The following DUX4 variants were observed in gnomAD, a reference collection of about 807,000 sequenced individuals.
The protein encoded by DUX4 is double homeobox 4.
chr4:190,181,337 C>A (rs1300272358), intron 1 of DUX4, among the ~76,000 whole-genome samples: 2 of 430 alleles, frequency 4.7e-3, no homozygotes, highest in Admixed American at 0.024. Context: ...TGGGTGATCT[C>A]TGCAAAGATA....
At chr4:190,177,869 AATGTCCCTGT>A (rs1579833437), downstream of DUX4, among the ~76,000 whole-genome samples, 31 of 142,928 alleles carry the variant, frequency 2.2e-4, no homozygotes, top group East Asian at 4.2e-4. Context: ...GATATGTCAC[AATGTCCCTGT>A]AGCCATATCC....
downstream of DUX4, among the ~76,000 whole-genome samples, chr4:190,179,702 G>T: frequency 6.6e-6 from 1 of 152,418 alleles, no homozygotes; most frequent in Admixed American, 6.5e-5. Flanking sequence ...TCAGTGCAGA[G>T]ATATGTCTCA....
chr4:190,181,071 A>C (rs1742543648), intron 1 of DUX4, among the ~76,000 whole-genome samples: 1 of 82,568 alleles, frequency 1.2e-5, no homozygotes, highest in Non-Finnish European at 2.5e-5. Flanking sequence ...ATCAGTGCAG[A>C]GATATGTGAC....
chr4:190,176,337 C>T (rs71271248), downstream of DUX4, among the ~76,000 whole-genome samples: 2 of 102,012 alleles, frequency 2.0e-5, no homozygotes, highest in African/African-American at 5.6e-5. Context: ...TGTTACATCA[C>T]CTGGGTGATC....
chr4:190,179,208 T>TGGTTGATCATTGCAGGGATAA (rs1742482106), downstream of DUX4, among the ~76,000 whole-genome samples: 1 of 150,688 alleles, frequency 6.6e-6, no homozygotes. Flanking sequence ...GTACATCACC[T>TGGTTGATCATTGCAGGGATAA]GGGTGATCAT....
In DUX4 at chr4:190,175,797, G is replaced by C. The variant is rs1742274658; in HGVS notation, c.*387G>C. ...TGGATTAGAGTTACATCTCCTGGAT[G>C]ATTAGTTCAGAGATATATTAAAATG... On this transcript the variant is annotated 3_prime_UTR_variant, in exon 2 of 2. Transcript: ENST00000565211. 2.0e-5 allele frequency: 3 copies of C among 152,096 alleles called. No homozygotes were observed. Among genetic ancestry groups the C allele is most frequent in the African/African-American group, 7.9e-5 (3 of 38,032 alleles). 9.4% of individuals were successfully genotyped at this position (152,096 alleles called of 1,614,324 possible).
chr4:190,181,243 C>CAATGCCACAAGTAGGTAGAGCCTAGAA (rs1742556543), intron 1 of DUX4, among the ~76,000 whole-genome samples: 3 of 16,052 alleles, frequency 1.9e-4, no homozygotes, highest in Admixed American at 6.5e-4. Context: ...AAATCCAAGA[C>CAATGCCACAAGTAGGTAGAGCCTAGAA]AAGAGTCTGT....
At chr4:190,181,727 T>C (rs1579838024) in intron 1 of DUX4, among the ~76,000 whole-genome samples, 1 of 140,576 alleles carries the variant, frequency 7.1e-6, no homozygotes, top group Admixed American at 7.3e-5. Flanking sequence ...ACACAAGAGT[T>C]ACATCACCTG....
Position 190,175,781 on chromosome 4 carries a change from G to T in DUX4, c.*371G>T. On this transcript the variant is annotated 3_prime_UTR_variant, in exon 2 of 2. Transcript: ENST00000565211. ...GCTGTCTAGGCAAACCTGGATTAGA[G>T]TTACATCTCCTGGATGATTAGTTCA... 1 of 153,492 alleles carries T rather than the reference G, an allele frequency of 6.5e-6. No homozygotes were observed. Among genetic ancestry groups the T allele is most frequent in the Non-Finnish European group, 1.3e-5 (1 of 79,216 alleles). 9.5% of individuals were successfully genotyped at this position (153,492 alleles called of 1,614,324 possible). A position where few individuals can be genotyped will look rare whatever the true frequency, so the allele number is the denominator to read the frequency against.
chr4:190,176,589 A>C (rs1290881858), downstream of DUX4, among the ~76,000 whole-genome samples: 1 of 88,948 alleles, frequency 1.1e-5, no homozygotes. Flanking sequence ...TGTAGGCAGA[A>C]CGTAGACAAG....
downstream of DUX4, among the ~76,000 whole-genome samples, chr4:190,179,767 A>G (rs1579835940): frequency 2.2e-5 from 3 of 134,534 alleles, no homozygotes; most frequent in African/African-American, 3.0e-5. Flanking sequence ...TTAACAGTGC[A>G]GAGATATGTC....
chr4:190,179,100 A>G (rs1742478148), downstream of DUX4, among the ~76,000 whole-genome samples: 2 of 20,608 alleles, frequency 9.7e-5, no homozygotes, highest in East Asian at 3.7e-3. Context: ...ATATGTCACA[A>G]TGCCACTGTA....
At chr4:190,179,160 ACAT>A (rs1579835153), downstream of DUX4, among the ~76,000 whole-genome samples, 1 of 152,088 alleles carries the variant, frequency 6.6e-6, no homozygotes, top group Non-Finnish European at 1.5e-5. Context: ...GTGCAGAGAT[ACAT>A]TGCAATGCCC....
At chr4:190,183,075 A>G (rs1344622847) in intron 1 of DUX4, among the ~76,000 whole-genome samples, 1,018 of 36,842 alleles carry the variant, frequency 0.028, 51 homozygotes, top group African/African-American at 0.048. Flanking sequence ...GTTTAGGGTT[A>G]GGGTTAGGGT....
chr4:190,179,544 A>C (rs1742502778), downstream of DUX4, among the ~76,000 whole-genome samples: 2 of 140,848 alleles, frequency 1.4e-5, no homozygotes, highest in Non-Finnish European at 3.2e-5. Context: ...CAAGAGTTAT[A>C]TCACCTGGGT....
downstream of DUX4, among the ~76,000 whole-genome samples, chr4:190,177,468 CTGT>C (rs1742369185): frequency 1.4e-5 from 2 of 140,054 alleles, no homozygotes; most frequent in Non-Finnish European, 1.6e-5. Flanking sequence ...ACAAAGCCCC[CTGT>C]AGACAAATCC....
intron 1 of DUX4, among the ~76,000 whole-genome samples, chr4:190,181,578 C>A (rs1579837795): frequency 2.6e-3 from 113 of 43,142 alleles, no homozygotes; most frequent in Non-Finnish European, 3.3e-3. Flanking sequence ...TAGGCAGAGC[C>A]TAGTCAAGCG....
At chr4:190,181,178 GA>G (rs1742550528) in intron 1 of DUX4, among the ~76,000 whole-genome samples, 1 of 101,774 alleles carries the variant, frequency 9.8e-6, no homozygotes, top group Admixed American at 1.2e-4. Context: ...GCTTAGACTA[GA>G]GTTACATCAC....
Position 190,175,763 on chromosome 4 carries a change from A to G in DUX4, c.*353A>G. 6.4e-6 allele frequency: 1 copy of G among 157,210 alleles called. No individual in the cohort carries two copies. The highest frequency in any genetic ancestry group is 2.3e-3 in the Middle Eastern group (1 of 444). The allele number at this position is 157,210 out of a possible 1,614,324, so 9.7% of individuals were successfully genotyped here. On this transcript the variant is annotated 3_prime_UTR_variant, in exon 2 of 2. Coordinates refer to ENST00000565211, the MANE Select transcript of DUX4 (RefSeq NM_001306068.3). Reference sequence around the variant, plus strand: ...CTCCCCCCACCTTCCGACGCTGTCTAGGCAAACCTGGATTAGAGTTACATC... The same window carrying G: ...CTCCCCCCACCTTCCGACGCTGTCTGGGCAAACCTGGATTAGAGTTACATC...
Sources: allele counts gnomAD v4.1 joint callset (sites outside exome capture counted in the v4.1 genomes callset), GRCh38; gene constraint gnomAD v4.1.1; transcripts MANE v1.5; gene names NCBI Gene and HGNC (gene_info 2026-07-23, HGNC 2026-07-21).